The following DLGAP1 variants were observed in gnomAD, a reference collection of about 807,000 sequenced individuals.
DLGAP1 encodes disks large-associated protein 1.
In DLGAP1, 11 loss-of-function variants were observed where a neutral mutation model predicts 90.8. That is an observed-to-expected ratio of 0.12 (90% confidence interval 0.08 to 0.20). The LOEUF is 0.20. DLGAP1 is among the 10% of genes least tolerant of loss of function. The pLI, the probability that DLGAP1 is intolerant of heterozygous loss-of-function variation, is 1.00. For missense variants in DLGAP1, 1,050 were observed against 1,333.8 expected, an observed-to-expected ratio of 0.79 and a Z score of 3.31; for synonymous variants, 558 against 540.7, an observed-to-expected ratio of 1.03 and a Z score of -0.44.
chr18:4,131,301 A>G (rs1439419283), intron 2 of DLGAP1, among the ~76,000 whole-genome samples: 1 of 152,224 alleles, frequency 6.6e-6, no homozygotes, highest in Non-Finnish European at 1.5e-5. Flanking sequence ...CATGTCATTC[A>G]GGCCATCACA....
At chr18:3,809,042 C>T (rs896504384) in intron 5 of DLGAP1, among the ~76,000 whole-genome samples, 2 of 152,178 alleles carry the variant, frequency 1.3e-5, no homozygotes, top group Non-Finnish European at 2.9e-5. Context: ...CACGTCAGTG[C>T]TGAAAGGTTC....
chr18:3,879,237 C>G lies in DLGAP1; in HGVS notation c.832G>C (p.Ala278Pro). 2 of 1,594,886 alleles carry G rather than the reference C, an allele frequency of 1.3e-6. No individual in the cohort carries two copies. The highest frequency in any genetic ancestry group is 1.7e-5 in the Admixed American group (1 of 57,534). The change falls in exon 4 of 13, where the codon GCC becomes CCC. Residue 278 changes from alanine (A) to proline (P), a missense_variant. By Grantham distance (27) the Ala-to-Pro change is conservative. Around this residue, in one of 2 missense-constraint regions of DLGAP1, gnomAD observed 485 missense variants for 454.1 expected, o/e 1.07. Coordinates refer to ENST00000315677, the MANE Select transcript of DLGAP1 (RefSeq NM_004746.4). The surrounding 1 kb of genome is among the most constrained non-coding windows in gnomAD (Gnocchi z 6.6). Reference sequence around the variant, plus strand: ...CTCACGGTGAGCGTGGAGGACCAGGCGCTCTTCTTCAGCAGCGGGGTGTCC... The same window carrying G: ...CTCACGGTGAGCGTGGAGGACCAGGGGCTCTTCTTCAGCAGCGGGGTGTCC... The part of the protein sequence containing the change: ...SLDTPLLKKS[A>P]WSSTLTVSRA...
intron 7 of DLGAP1, among the ~76,000 whole-genome samples, chr18:3,665,819 T>C (rs900288074): frequency 3.9e-5 from 6 of 152,244 alleles, no homozygotes; most frequent in Admixed American, 6.5e-5. Flanking sequence ...CCATTTCCAC[T>C]TCTCTGATTT....
At chr18:4,387,938 C>CAT (rs2082268261) in intron 1 of DLGAP1, among the ~76,000 whole-genome samples, 1 of 126,470 alleles carries the variant, frequency 7.9e-6, no homozygotes, top group Non-Finnish European at 1.7e-5. Flanking sequence ...CATACACACA[C>CAT]ACACACACAC....
chr18:3,955,455 T>C (rs137865917), intron 3 of DLGAP1, among the ~76,000 whole-genome samples: 176 of 152,322 alleles, frequency 1.2e-3, no homozygotes, highest in African/African-American at 3.7e-3. Flanking sequence ...CTCATGCCTG[T>C]AATCCCAGCA....
At chr18:4,279,455 T>C (rs1358578839) in intron 1 of DLGAP1, among the ~76,000 whole-genome samples, 1 of 152,230 alleles carries the variant, frequency 6.6e-6, no homozygotes, top group Non-Finnish European at 1.5e-5. Flanking sequence ...ATAAAGCTCC[T>C]GCTTCTTTGA....
At chr18:3,730,414 C>T (rs1342346894) in intron 6 of DLGAP1, among the ~76,000 whole-genome samples, 1 of 151,956 alleles carries the variant, frequency 6.6e-6, no homozygotes, top group Non-Finnish European at 1.5e-5. Flanking sequence ...TATATTCCTC[C>T]TGTATATAAC....
intron 1 of DLGAP1, among the ~76,000 whole-genome samples, chr18:4,343,780 C>A (rs2081252024): frequency 6.6e-6 from 1 of 151,968 alleles, no homozygotes; most frequent in South Asian, 2.1e-4. Context: ...CACATGTATC[C>A]CAGAACTTAA....
chr18:4,385,438 C>CA (rs1324009042), intron 1 of DLGAP1, among the ~76,000 whole-genome samples: 1 of 151,998 alleles, frequency 6.6e-6, no homozygotes, highest in East Asian at 1.9e-4. Flanking sequence ...GTTTTTCATT[C>CA]TTTTTTAGTT....
chr18:3,755,656 T>A (rs1422740786), intron 5 of DLGAP1, among the ~76,000 whole-genome samples: 1 of 151,572 alleles, frequency 6.6e-6, no homozygotes, highest in African/African-American at 2.4e-5. Flanking sequence ...AACAATAGAG[T>A]CCCAAAATAC....
intron 1 of DLGAP1, among the ~76,000 whole-genome samples, chr18:4,297,289 CCCA>C (rs1568497481): frequency 6.6e-6 from 1 of 152,032 alleles, no homozygotes; most frequent in Non-Finnish European, 1.5e-5. Context: ...ATCCTCTCTT[CCCA>C]CCACACCGAG....
At chr18:4,131,069 CT>C (rs910440531) in intron 2 of DLGAP1, among the ~76,000 whole-genome samples, 5 of 152,002 alleles carry the variant, frequency 3.3e-5, no homozygotes, top group African/African-American at 9.7e-5. Flanking sequence ...ATTACAGTGT[CT>C]TTTTTTTCAG....
intron 3 of DLGAP1, among the ~76,000 whole-genome samples, chr18:3,979,595 A>G (rs2073680176): frequency 2.0e-5 from 3 of 152,216 alleles, no homozygotes; most frequent in South Asian, 2.1e-4. Context: ...AGATGTTGGT[A>G]AAAGTGTACA....
intron 1 of DLGAP1, among the ~76,000 whole-genome samples, chr18:4,418,653 CAAATAG>C (rs1308968480): frequency 2.6e-5 from 4 of 151,968 alleles, no homozygotes; most frequent in African/African-American, 9.7e-5. Context: ...AGAAACTACT[CAAATAG>C]AAATATATAG....
intron 3 of DLGAP1, among the ~76,000 whole-genome samples, chr18:3,945,895 T>C (rs2072868350): frequency 6.6e-6 from 1 of 152,236 alleles, no homozygotes; most frequent in Non-Finnish European, 1.5e-5. Flanking sequence ...TAGATGCCAC[T>C]GATAATTTTA....
At chr18:4,187,313 C>CA (rs1173495802) in intron 1 of DLGAP1, among the ~76,000 whole-genome samples, 4 of 152,084 alleles carry the variant, frequency 2.6e-5, no homozygotes, top group Non-Finnish European at 5.9e-5. Context: ...GACAGAGCAT[C>CA]CTTGTCTTGT....
At chr18:4,339,319 T>A (rs1391009462) in intron 1 of DLGAP1, among the ~76,000 whole-genome samples, 1 of 152,082 alleles carries the variant, frequency 6.6e-6, no homozygotes, top group Non-Finnish European at 1.5e-5. Context: ...CTGTTTTGTG[T>A]GTGTTGGGAA....
intron 7 of DLGAP1, among the ~76,000 whole-genome samples, chr18:3,681,447 A>G (rs1054019333): frequency 1.2e-4 from 19 of 152,236 alleles, no homozygotes; most frequent in Non-Finnish European, 2.6e-4. Flanking sequence ...ATCTTCTTCA[A>G]AGAACTTTGA....
chr18:3,883,215 A>G (rs111991872), intron 3 of DLGAP1, among the ~76,000 whole-genome samples: 12,594 of 152,298 alleles, frequency 0.083, 660 homozygotes, highest in South Asian at 0.18. Context: ...CTGCACTCCA[A>G]CCTGGGTGAC....
Sources: gnomAD v4.1 joint callset for allele counts (sites outside exome capture counted in the v4.1 genomes callset) on GRCh38, gnomAD v4.1.1 for gene constraint, gnomAD v4.1.1 regional missense constraint, Gnocchi (gnomAD v3.1) non-coding constraint, MANE v1.5 for transcripts, NCBI Gene and HGNC (gene_info 2026-07-23, HGNC 2026-07-21) for gene names.